The following PDE8A variants were observed in gnomAD, a reference collection of about 807,000 sequenced individuals.
The protein encoded by PDE8A is high affinity cAMP-specific and IBMX-insensitive 3',5'-cyclic phosphodiesterase 8A.
A neutral mutation model predicts 105.0 loss-of-function variants in PDE8A; 59 were observed. The observed-to-expected ratio is 0.56, with a 90% CI of 0.46 to 0.70. The LOEUF (loss-of-function observed/expected upper bound fraction) is 0.70, where lower values mean the gene tolerates loss of function less well. Ranked by LOEUF, PDE8A falls within the 30% of genes least tolerant of loss-of-function variation. The pLI, the probability that PDE8A is intolerant of heterozygous loss-of-function variation, is 0.00. For missense variants in PDE8A, 1,014 were observed against 1,045.9 expected, an observed-to-expected ratio of 0.97 and a Z score of 0.42; for synonymous variants, 355 against 371.9, an observed-to-expected ratio of 0.95 and a Z score of 0.52.
intron 1 of PDE8A, among the ~76,000 whole-genome samples, chr15:85,024,707 A>T (rs541218248): frequency 6.6e-6 from 1 of 152,296 alleles, no homozygotes; most frequent in African/African-American, 2.4e-5. Context: ...TAGTTTGCCC[A>T]TGCATTTCAT....
intron 1 of PDE8A, among the ~76,000 whole-genome samples, chr15:85,014,765 C>T (rs1373592025): frequency 6.6e-6 from 1 of 152,082 alleles, no homozygotes. Flanking sequence ...ATTGTTCATT[C>T]TTAAAAAAAT....
At chr15:85,029,000 T>A (rs1056709160) in intron 1 of PDE8A, among the ~76,000 whole-genome samples, 4 of 152,014 alleles carry the variant, frequency 2.6e-5, no homozygotes, top group African/African-American at 9.7e-5. Context: ...GAGAGAGAAA[T>A]GTAAAGAAAA....
At chr15:84,985,569 CT>C (rs370901160) in intron 1 of PDE8A, among the ~76,000 whole-genome samples, 85 of 152,296 alleles carry the variant, frequency 5.6e-4, no homozygotes, top group South Asian at 5.2e-3. Flanking sequence ...TGCTCACCCC[CT>C]ATCTTCCTTT....
intron 11 of PDE8A, among the ~76,000 whole-genome samples, chr15:85,100,628 C>T (rs746681789): frequency 3.9e-5 from 6 of 152,216 alleles, no homozygotes; most frequent in Non-Finnish European, 7.3e-5. Context: ...CTTAACCATG[C>T]CTTGGACACC....
intron 1 of PDE8A, among the ~76,000 whole-genome samples, chr15:85,038,602 A>C (rs1879815007): frequency 2.6e-5 from 4 of 152,200 alleles, no homozygotes; most frequent in Non-Finnish European, 5.9e-5. Context: ...ACATCAGATA[A>C]GGGGCCAATA....
chr15:85,099,639 G>A (rs867083864), intron 9 of PDE8A: 48 of 206,368 alleles, frequency 2.3e-4, no homozygotes, highest in African/African-American at 9.0e-4. Flanking sequence ...ACCAGTGACC[G>A]TGAGCAGATT....
intron 1 of PDE8A, among the ~76,000 whole-genome samples, chr15:84,997,486 G>A (rs1168683211): frequency 4.0e-5 from 6 of 151,622 alleles, no homozygotes; most frequent in African/African-American, 7.3e-5. Flanking sequence ...ATGAGCCAAC[G>A]CACCCAGCCT....
chr15:84,986,657 G>A (rs1010049444), intron 1 of PDE8A, among the ~76,000 whole-genome samples: 1 of 151,724 alleles, frequency 6.6e-6, no homozygotes, highest in Non-Finnish European at 1.5e-5. Flanking sequence ...TTGTTACCCA[G>A]GCTGGAGTGC....
At chr15:84,982,751 C>T (rs973922223) in intron 1 of PDE8A, among the ~76,000 whole-genome samples, 3 of 152,192 alleles carry the variant, frequency 2.0e-5, no homozygotes, top group Non-Finnish European at 4.4e-5. Flanking sequence ...GAACTTTGTT[C>T]TTTTCCTGTG....
chr15:85,076,605 G>C, intron 4 of PDE8A, 128 bp from the exon 5 acceptor site: 1 of 645,420 alleles, frequency 1.5e-6, no homozygotes, highest in South Asian at 1.9e-5. Context: ...CTTTAAATTT[G>C]TATATTAATC....
chr15:85,024,893 TACCAATGCTC>T (rs1157528131), intron 1 of PDE8A, among the ~76,000 whole-genome samples: 3 of 152,210 alleles, frequency 2.0e-5, no homozygotes, highest in Non-Finnish European at 2.9e-5. Context: ...GGCTTTAGCT[TACCAATGCTC>T]CAGATACAGT....
intron 6 of PDE8A, 86 bp from the exon 7 acceptor site, chr15:85,089,231 CCCTTCCTTATAAATCGGACAA>C: frequency 1.5e-6 from 1 of 675,892 alleles, no homozygotes; most frequent in South Asian, 1.8e-5. Flanking sequence ...AATATTTTCT[CCCTTCCTTATAAATCGGACAA>C]AAAATACATT....
chr15:85,139,059 A>T lies in PDE8A; in HGVS notation c.*1156A>T, dbSNP rs934942317. On this transcript the variant is annotated 3_prime_UTR_variant, in exon 22 of 22. Transcript: ENST00000394553. Reference sequence around the variant, plus strand: ...ATAAAAAATGACACTTGACATGTCAATGTATTTGTCATTTCATTTTAAACT... The same window carrying T: ...ATAAAAAATGACACTTGACATGTCATTGTATTTGTCATTTCATTTTAAACT... 1 of 152,200 alleles carries T rather than the reference A, an allele frequency of 6.6e-6. No homozygotes were observed. The highest frequency in any genetic ancestry group is 2.4e-5 in the African/African-American group (1 of 41,454). The allele number at this position is 152,200 out of a possible 1,614,324, so 9.4% of individuals were successfully genotyped here. A position where few individuals can be genotyped will look rare whatever the true frequency, so the allele number is the denominator to read the frequency against.
At chr15:85,064,331 C>T (rs188281332) in intron 1 of PDE8A, 39 bp from the exon 2 acceptor site, 115 of 1,485,928 alleles carry the variant, frequency 7.7e-5, no homozygotes, top group Admixed American at 6.4e-4. Context: ...TCTCTTTCTC[C>T]GTTGTCTTTT....
chr15:85,104,148 A>G (rs60000029), intron 11 of PDE8A, among the ~76,000 whole-genome samples: 9 of 152,166 alleles, frequency 5.9e-5, no homozygotes, highest in Non-Finnish European at 1.3e-4. Flanking sequence ...GTTCTAGGTC[A>G]GGCCCTGAGC....
chr15:85,015,702 T>C (rs2080313627), intron 1 of PDE8A, among the ~76,000 whole-genome samples: 1 of 152,242 alleles, frequency 6.6e-6, no homozygotes, highest in Non-Finnish European at 1.5e-5. Flanking sequence ...GTTTAAACTC[T>C]GCATTCCTTT....
chr15:85,103,571 A>C (rs142094947), intron 11 of PDE8A, among the ~76,000 whole-genome samples: 13 of 152,358 alleles, frequency 8.5e-5, no homozygotes, highest in African/African-American at 3.1e-4. Flanking sequence ...ACAGAAATCA[A>C]TTCTTCAGCA....
chr15:85,105,948 CGTG>C (rs2081941682), intron 11 of PDE8A, among the ~76,000 whole-genome samples: 1 of 152,128 alleles, frequency 6.6e-6, no homozygotes, highest in Non-Finnish European at 1.5e-5. Context: ...AGGGTGGAGA[CGTG>C]GTCCATCTCT....
At chr15:85,072,280 A>G (rs2081323045) in intron 3 of PDE8A, among the ~76,000 whole-genome samples, 1 of 152,230 alleles carries the variant, frequency 6.6e-6, no homozygotes, top group South Asian at 2.1e-4. Flanking sequence ...CTATGTTCTT[A>G]TAGTGAGCCT....
Sources: allele counts gnomAD v4.1 joint callset (sites outside exome capture counted in the v4.1 genomes callset), GRCh38; gene constraint gnomAD v4.1.1; transcripts MANE v1.5; gene names NCBI Gene and HGNC (gene_info 2026-07-23, HGNC 2026-07-21).